The following DACH2 variants were observed in gnomAD, a reference collection of about 807,000 sequenced individuals.
DACH2 encodes dachshund family transcription factor 2, also known as dachshund homolog 2.
DACH2 carries 17 observed loss-of-function variants against 35.8 expected under a neutral mutation model. That is an observed-to-expected ratio of 0.48 (90% CI 0.33 to 0.71). DACH2 has a LOEUF of 0.71. Ranked by LOEUF, DACH2 falls within the 30% of genes least tolerant of loss-of-function variation. The probability of loss-of-function intolerance (pLI) is 0.02; values close to 1 mark genes in which losing one functional copy is unlikely to be tolerated. For missense variants in DACH2, 469 were observed against 472.7 expected, an observed-to-expected ratio of 0.99 and a Z score of 0.07; for synonymous variants, 195 against 177.3, an observed-to-expected ratio of 1.10 and a Z score of -0.79.
rs772151503 is a variant in DACH2, at chrX:86,814,500, T to A, written c.1538-188T>A. Among the ~76,000 whole-genome samples the A allele has an allele frequency of 3.2e-4, 36 of 111,768 alleles. No individual in the cohort carries two copies. In the South Asian group the frequency reaches 3.7e-3, roughly 12 times the overall value. On this transcript the variant is annotated intron_variant, in intron 9 of 11. Coordinates refer to ENST00000373125, the MANE Select transcript of DACH2 (RefSeq NM_053281.3). ...AAAGAAGTCAGTTGTATGACTGAAA[T>A]ACAGTAAATAAAGCACTCCTTAGAT...
At chrX:86,270,043 T>TATATATATATATATATATA (rs1180682134) in intron 1 of DACH2, among the ~76,000 whole-genome samples, 1 of 100,827 alleles carries the variant, frequency 9.9e-6, no homozygotes, top group African/African-American at 3.7e-5. Context: ...ATATATATTT[T>TATATATATATATATATATA]TTTTTTTTCC....
chrX:86,422,786 C>T (rs1485611437), intron 2 of DACH2, among the ~76,000 whole-genome samples: 1 of 110,637 alleles, frequency 9.0e-6, no homozygotes, highest in African/African-American at 3.3e-5. Context: ...TTTTTTGCAT[C>T]CATTAACCAT....
chrX:86,786,998 C>A, intron 7 of DACH2, among the ~76,000 whole-genome samples: 1 of 111,377 alleles, frequency 9.0e-6, no homozygotes, highest in Admixed American at 9.6e-5. Context: ...TCTTTGCCTC[C>A]TGCCATCCAT....
chrX:86,456,742 G>A (rs2037482696), intron 2 of DACH2, among the ~76,000 whole-genome samples: 1 of 107,370 alleles, frequency 9.3e-6, no homozygotes, highest in African/African-American at 3.4e-5. Context: ...TTTTTTGTTT[G>A]CTTTTGTAAG....
chrX:86,443,192 C>G (rs1011808996), intron 2 of DACH2, among the ~76,000 whole-genome samples: 1 of 111,616 alleles, frequency 9.0e-6, no homozygotes, highest in Non-Finnish European at 1.9e-5. Flanking sequence ...AATCCATAAT[C>G]GCAGAATATT....
intron 6 of DACH2, among the ~76,000 whole-genome samples, chrX:86,727,343 A>T (rs1256142806): frequency 8.9e-6 from 1 of 111,995 alleles, no homozygotes; most frequent in African/African-American, 3.2e-5. Flanking sequence ...GGCACATTAT[A>T]AAAAGGGTCC....
At chrX:86,718,314 T>C (rs1358727278) in intron 6 of DACH2, among the ~76,000 whole-genome samples, 2 of 111,716 alleles carry the variant, frequency 1.8e-5, no homozygotes, top group East Asian at 5.6e-4. Flanking sequence ...TTGCCCACTT[T>C]GTACTGGGAT....
chrX:86,486,860 G>C (rs1214072679), intron 2 of DACH2, among the ~76,000 whole-genome samples: 1 of 111,696 alleles, frequency 9.0e-6, no homozygotes, highest in Non-Finnish European at 1.9e-5. Flanking sequence ...TTAGCATAGT[G>C]CTAGACATAT....
intron 3 of DACH2, among the ~76,000 whole-genome samples, chrX:86,620,725 G>A (rs752652724): frequency 1.8e-5 from 2 of 109,841 alleles, no homozygotes; most frequent in Non-Finnish European, 3.8e-5. Flanking sequence ...CTGAGAGCTG[G>A]GGACTGAGTA....
intron 1 of DACH2, among the ~76,000 whole-genome samples, chrX:86,311,825 G>C (rs1192904292): frequency 1.8e-5 from 2 of 111,437 alleles, no homozygotes; most frequent in African/African-American, 6.5e-5. Context: ...GATTGATGCA[G>C]ACTATCAAGA....
At chrX:86,741,670 G>T (rs1284396239) in intron 7 of DACH2, among the ~76,000 whole-genome samples, 2 of 111,571 alleles carry the variant, frequency 1.8e-5, no homozygotes, top group Admixed American at 9.6e-5. Context: ...GTCTACAAAT[G>T]AGTGACCGCT....
chrX:86,188,052 A>G (rs1457802453), intron 1 of DACH2, among the ~76,000 whole-genome samples: 2 of 112,007 alleles, frequency 1.8e-5, no homozygotes, highest in African/African-American at 3.2e-5. Context: ...TATTGATCGG[A>G]TAGCCTCTTT....
At chrX:86,683,005 C>A (rs1349763850) in intron 4 of DACH2, among the ~76,000 whole-genome samples, 2 of 110,778 alleles carry the variant, frequency 1.8e-5, no homozygotes, top group African/African-American at 6.6e-5. Flanking sequence ...CATATTTTCC[C>A]CAGTTTTATA....
At chrX:86,202,644 C>A (rs767092344) in intron 1 of DACH2, among the ~76,000 whole-genome samples, 4 of 110,838 alleles carry the variant, frequency 3.6e-5, no homozygotes, top group East Asian at 2.8e-4. Context: ...AGAAAATATT[C>A]TCAGAAGAAA....
At position 86,402,833 on chromosome X, in the gene DACH2, G is replaced by A. The variant is rs1478394418; in HGVS notation, c.527+25971G>A. Among the ~76,000 whole-genome samples the A allele has an allele frequency of 4.5e-5, 5 of 112,066 alleles. No individual in the cohort carries two copies. In the Admixed American group the frequency reaches 4.7e-4, roughly 11 times the overall value. On this transcript the variant is annotated intron_variant, in intron 2 of 11. Coordinates refer to ENST00000373125, the MANE Select transcript of DACH2 (RefSeq NM_053281.3). The stretch of plus-strand genomic sequence containing the variant: ...AAAGCAATGTATTGTTACAAAAACA[G>A]CCATATTGACAAATGGTATGGAACA...
chrX:86,375,681 G>A (rs1297145204), intron 1 of DACH2, among the ~76,000 whole-genome samples: 1 of 107,407 alleles, frequency 9.3e-6, no homozygotes, highest in African/African-American at 3.4e-5. Flanking sequence ...CGTAAGAGTA[G>A]GTGAAAAAAG....
intron 1 of DACH2, among the ~76,000 whole-genome samples, chrX:86,336,391 G>A (rs1429042669): frequency 8.9e-6 from 1 of 112,036 alleles, no homozygotes; most frequent in Non-Finnish European, 1.9e-5. Flanking sequence ...GCTTCCAGAG[G>A]AAGGAAGAGG....
chrX:86,222,926 G>A (rs2032745772), intron 1 of DACH2, among the ~76,000 whole-genome samples: 1 of 110,926 alleles, frequency 9.0e-6, no homozygotes, highest in Non-Finnish European at 1.9e-5. Flanking sequence ...ACAAACAGAG[G>A]AAGAATATAC....
At chrX:86,360,722 T>A (rs1354991579) in intron 1 of DACH2, among the ~76,000 whole-genome samples, 1 of 110,980 alleles carries the variant, frequency 9.0e-6, no homozygotes, top group Non-Finnish European at 1.9e-5. Context: ...TAGTAAAAAA[T>A]TTTCGTAAAA....
Sources: allele counts gnomAD v4.1 joint callset (sites outside exome capture counted in the v4.1 genomes callset), GRCh38; gene constraint gnomAD v4.1.1; transcripts MANE v1.5; gene names NCBI Gene and HGNC (gene_info 2026-07-23, HGNC 2026-07-21).